Variants in RBFOX3 observed in about 807,000 individuals in gnomAD.
RBFOX3 encodes RNA binding protein fox-1 homolog 3.
A neutral mutation model predicts 48.7 loss-of-function variants in RBFOX3; 17 were observed. The observed-to-expected ratio is 0.35, with a 90% CI of 0.24 to 0.52. The LOEUF is 0.52. Ranked by LOEUF, RBFOX3 falls within the 20% of genes least tolerant of loss-of-function variation. RBFOX3 has a pLI of 0.94. For synonymous variants in RBFOX3, 212 were observed against 209.5 expected (o/e 1.01, Z -0.10); for missense variants, 382 against 497.5 (o/e 0.77, Z 2.21).
chr17:79,146,708 G>A (rs552141035), intron 4 of RBFOX3, among the ~76,000 whole-genome samples: 5 of 152,316 alleles, frequency 3.3e-5, no homozygotes, highest in South Asian at 2.1e-4. Flanking sequence ...GCTGGTGCCT[G>A]CCCAGGGCCC....
intron 1 of RBFOX3, among the ~76,000 whole-genome samples, chr17:79,523,791 A>G (rs1033655356): frequency 2.0e-4 from 30 of 152,228 alleles, no homozygotes; most frequent in Non-Finnish European, 2.8e-4. Flanking sequence ...AAACGAATAA[A>G]AGGCGAACCT....
intron 4 of RBFOX3, among the ~76,000 whole-genome samples, chr17:79,177,633 G>A (rs7503589): frequency 0.014 from 2,135 of 152,320 alleles, 49 homozygotes; most frequent in African/African-American, 0.048. Flanking sequence ...AGGTGGGACA[G>A]GTCGGGATGG....
At chr17:79,091,878 C>T (rs553756896) in intron 14 of RBFOX3, 23 of 808,914 alleles carry the variant, frequency 2.8e-5, no homozygotes, top group East Asian at 1.3e-4. Flanking sequence ...GCTAAGGAGT[C>T]GCAGAGACTG....
intron 2 of RBFOX3, among the ~76,000 whole-genome samples, chr17:79,332,717 C>G (rs111073944): frequency 8.5e-6 from 1 of 117,902 alleles, no homozygotes; most frequent in African/African-American, 2.9e-5. Flanking sequence ...GACAGAAAGA[C>G]AGAGCCTGAG....
At chr17:79,586,685 A>G (rs2093260508) in intron 1 of RBFOX3, among the ~76,000 whole-genome samples, 1 of 152,164 alleles carries the variant, frequency 6.6e-6, no homozygotes. Flanking sequence ...ATATGTTTTC[A>G]ATCAGAAATA....
rs2290566 is a variant in RBFOX3 at position 79,307,741 on chromosome 17, G to A, written c.-91C>T. 22,553 of 153,804 alleles carry A rather than the reference G, an allele frequency of 0.15. 2,986 individuals are homozygous for A. The highest frequency in any genetic ancestry group is 0.36 in the African/African-American group (14,780 of 41,496). 9.5% of individuals were successfully genotyped at this position (153,804 alleles called of 1,614,324 possible). ...GTTCTTACCTGTTTGCAGAGGGATGGCTCCAGGAGCAGGTTCCCAGCTGGA... is the reference window on the plus strand; with the variant it reads ...GTTCTTACCTGTTTGCAGAGGGATGACTCCAGGAGCAGGTTCCCAGCTGGA... On this transcript the variant is annotated 5_prime_UTR_variant, in exon 3 of 15. Transcript: ENST00000693108.
intron 1 of RBFOX3, chr17:79,599,376 CTG>C (rs1397708234): frequency 6.6e-6 from 1 of 152,364 alleles, no homozygotes; most frequent in African/African-American, 2.4e-5. Flanking sequence ...CAGCCCTTCT[CTG>C]TGCAGGCCAC....
chr17:79,332,941 CAG>C (rs373151548), intron 2 of RBFOX3, among the ~76,000 whole-genome samples: 1 of 133,790 alleles, frequency 7.5e-6, no homozygotes, highest in Non-Finnish European at 1.6e-5. Flanking sequence ...TAGACAGACA[CAG>C]AGAAACGGGA....
intron 3 of RBFOX3, among the ~76,000 whole-genome samples, chr17:79,239,252 C>T (rs1479736495): frequency 6.6e-6 from 1 of 152,194 alleles, no homozygotes; most frequent in Non-Finnish European, 1.5e-5. Flanking sequence ...GAGAGGCCCC[C>T]CAGGTTCATT....
chr17:79,420,559 G>C (rs1392819916), intron 2 of RBFOX3, among the ~76,000 whole-genome samples: 3 of 152,178 alleles, frequency 2.0e-5, no homozygotes, highest in Non-Finnish European at 2.9e-5. Flanking sequence ...CCCAACCCAG[G>C]AGAAGGGGTC....
chr17:79,445,154 G>A (rs940008613), intron 2 of RBFOX3, among the ~76,000 whole-genome samples: 6 of 152,286 alleles, frequency 3.9e-5, no homozygotes, highest in South Asian at 2.1e-4. Context: ...TTCATCAGTC[G>A]ATAGACATTG....
chr17:79,569,677 C>T (rs958313619), intron 1 of RBFOX3, among the ~76,000 whole-genome samples: 47 of 152,300 alleles, frequency 3.1e-4, no homozygotes, highest in African/African-American at 7.0e-4. Flanking sequence ...TGTTACTTAG[C>T]GGGGCCTGCT....
intron 2 of RBFOX3, among the ~76,000 whole-genome samples, chr17:79,368,170 G>A (rs561211498): frequency 1.3e-5 from 2 of 152,294 alleles, no homozygotes; most frequent in African/African-American, 4.8e-5. Context: ...CACGGGATGG[G>A]TTCTCTTACA....
chr17:79,091,126 G>GC (rs1246920098), intron 14 of RBFOX3, among the ~76,000 whole-genome samples: 1 of 152,236 alleles, frequency 6.6e-6, no homozygotes, highest in African/African-American at 2.4e-5. Context: ...ACAGAGCTGA[G>GC]CAGGGCAGGG....
intron 1 of RBFOX3, among the ~76,000 whole-genome samples, chr17:79,573,257 GGA>G (rs1485050928): frequency 2.0e-3 from 302 of 152,302 alleles, no homozygotes; most frequent in Non-Finnish European, 3.3e-3. Context: ...CAGATGAAAA[GGA>G]GAGAAAGACC....
chr17:79,335,141 C>T (rs933433488), intron 2 of RBFOX3, among the ~76,000 whole-genome samples: 1 of 138,938 alleles, frequency 7.2e-6, no homozygotes, highest in Non-Finnish European at 1.6e-5. Context: ...CCTGTGTAGA[C>T]GAGGCTGCCA....
intron 3 of RBFOX3, among the ~76,000 whole-genome samples, chr17:79,262,840 G>A (rs2066017860): frequency 6.6e-6 from 1 of 152,280 alleles, no homozygotes; most frequent in Non-Finnish European, 1.5e-5. Context: ...CACTGGGGCA[G>A]CCCCAATAGG....
At chr17:79,137,632 C>CGCCTG (rs1188820513) in intron 4 of RBFOX3, among the ~76,000 whole-genome samples, 1 of 151,812 alleles carries the variant, frequency 6.6e-6, no homozygotes, top group Non-Finnish European at 1.5e-5. Context: ...AAGCTGCTGG[C>CGCCTG]GCCTGGCCTG....
chr17:79,593,305 T>G (rs910423494), intron 1 of RBFOX3, among the ~76,000 whole-genome samples: 1 of 140,866 alleles, frequency 7.1e-6, no homozygotes, highest in Admixed American at 6.9e-5. Context: ...GCGCGTCATG[T>G]GTGCACGCCT....
Sources: gnomAD v4.1 joint callset for allele counts (sites outside exome capture counted in the v4.1 genomes callset) on GRCh38, gnomAD v4.1.1 for gene constraint, MANE v1.5 for transcripts, NCBI Gene and HGNC (gene_info 2026-07-23, HGNC 2026-07-21) for gene names.